CWC27: variants seen among roughly 807,000 people sequenced by gnomAD.
The protein encoded by CWC27 is CWC27 spliceosome associated cyclophilin.
CWC27 carries 47 observed loss-of-function variants against 63.6 expected under a neutral mutation model. That is an observed-to-expected ratio of 0.74 (90% confidence interval 0.58 to 0.94). The LOEUF (loss-of-function observed/expected upper bound fraction) is 0.94, where lower values mean the gene tolerates loss of function less well. CWC27 is among the 40% of genes least tolerant of loss of function. The pLI is 0.00. For synonymous variants in CWC27, 175 were observed against 179.8 expected, an observed-to-expected ratio of 0.97 and a Z score of 0.22; for missense variants, 495 against 554.3, an observed-to-expected ratio of 0.89 and a Z score of 1.07.
intron 13 of CWC27, among the ~76,000 whole-genome samples, chr5:65,016,774 A>G (rs1428826065): frequency 3.3e-5 from 5 of 152,180 alleles, no homozygotes; most frequent in Non-Finnish European, 5.9e-5. Flanking sequence ...TTGCCACACA[A>G]GTAAATTTCA....
intron 3 of CWC27, 26 bp from the exon 4 acceptor site, chr5:64,783,810 A>G (rs932935257): frequency 6.5e-6 from 10 of 1,528,678 alleles, no homozygotes; most frequent in Non-Finnish European, 8.8e-6. Context: ...AACTGAGGAC[A>G]TTCACTAAAT....
At chr5:64,971,983 C>T (rs1267630995) in intron 12 of CWC27, among the ~76,000 whole-genome samples, 171 bp downstream of exon 12, 2 of 152,280 alleles carry the variant, frequency 1.3e-5, no homozygotes, top group East Asian at 3.9e-4. Context: ...AAGATTCAAA[C>T]TCTGGAGTTC....
At chr5:64,937,921 C>CTTTTTTTTTTTTTTTTTTTTTTTTTTT (rs1211082437) in intron 11 of CWC27, among the ~76,000 whole-genome samples, 4 of 99,318 alleles carry the variant, frequency 4.0e-5, no homozygotes, top group African/African-American at 1.8e-4. Flanking sequence ...GCAATCTCTG[C>CTTTTTTTTTTTTTTTTTTTTTTTTTTT]TTTTTTTTTT....
At chr5:64,893,065 A>G (rs1390535173) in intron 11 of CWC27, among the ~76,000 whole-genome samples, 3 of 152,212 alleles carry the variant, frequency 2.0e-5, no homozygotes, top group African/African-American at 4.8e-5. Flanking sequence ...GTGTGTGCGC[A>G]CATATGCACG....
chr5:64,876,253 T>G (rs1746791803), intron 10 of CWC27, among the ~76,000 whole-genome samples: 1 of 152,146 alleles, frequency 6.6e-6, no homozygotes, highest in Admixed American at 6.5e-5. Context: ...ATCTATAATT[T>G]TAATACATAT....
At chr5:64,871,300 A>G (rs1447325673) in intron 10 of CWC27, among the ~76,000 whole-genome samples, 1 of 152,142 alleles carries the variant, frequency 6.6e-6, no homozygotes, top group East Asian at 1.9e-4. Flanking sequence ...AAAATACAAT[A>G]TGATAAGCTT....
chr5:64,827,774 T>A (rs1298209701), intron 10 of CWC27, among the ~76,000 whole-genome samples: 1 of 152,198 alleles, frequency 6.6e-6, no homozygotes, highest in Non-Finnish European at 1.5e-5. Flanking sequence ...ATGGTTTTGC[T>A]TTCCATAGTT....
intron 13 of CWC27, among the ~76,000 whole-genome samples, chr5:64,995,708 A>G (rs1302096195): frequency 6.6e-6 from 1 of 152,076 alleles, no homozygotes; most frequent in Non-Finnish European, 1.5e-5. Flanking sequence ...TTCTTTGTCT[A>G]TTCTTGTGCC....
chr5:64,891,165 T>A (rs1747226376), intron 11 of CWC27, among the ~76,000 whole-genome samples: 1 of 152,220 alleles, frequency 6.6e-6, no homozygotes, highest in Non-Finnish European at 1.5e-5. Flanking sequence ...GTTTAAATTG[T>A]ATTTATTATT....
intron 11 of CWC27, among the ~76,000 whole-genome samples, chr5:64,969,873 G>T (rs189117166): frequency 6.6e-6 from 1 of 152,080 alleles, no homozygotes; most frequent in South Asian, 2.1e-4. Context: ...AGGAGGAGCC[G>T]GAATTAAGCA....
chr5:64,808,847 G>A (rs1306423620), intron 10 of CWC27, among the ~76,000 whole-genome samples: 4 of 152,246 alleles, frequency 2.6e-5, no homozygotes, highest in East Asian at 3.9e-4. Context: ...ATACTAATTC[G>A]TAGGCCCCTC....
intron 11 of CWC27, among the ~76,000 whole-genome samples, chr5:64,889,793 A>G (rs1375757021): frequency 6.6e-6 from 1 of 152,178 alleles, no homozygotes; most frequent in Non-Finnish European, 1.5e-5. Context: ...GTACTGCAGG[A>G]CAATCCTGTT....
chr5:64,832,363 C>G (rs986552219), intron 10 of CWC27, among the ~76,000 whole-genome samples: 1 of 151,416 alleles, frequency 6.6e-6, no homozygotes, highest in Non-Finnish European at 1.5e-5. Context: ...TCTAAAATTC[C>G]AACTTTTGCT....
intron 12 of CWC27, chr5:64,972,557 G>T: frequency 2.7e-6 from 1 of 371,048 alleles, no homozygotes; most frequent in Non-Finnish European, 5.2e-6. Flanking sequence ...TATATATATG[G>T]ACACACCATT....
chr5:64,882,011 C>T (rs900264553), intron 10 of CWC27, among the ~76,000 whole-genome samples: 4 of 152,116 alleles, frequency 2.6e-5, no homozygotes, highest in East Asian at 1.9e-4. Context: ...CCCTGTGCAG[C>T]GGCTACCCAG....
At chr5:64,842,142 G>A (rs917793836) in intron 10 of CWC27, among the ~76,000 whole-genome samples, 11 of 152,120 alleles carry the variant, frequency 7.2e-5, no homozygotes, top group African/African-American at 2.7e-4. Context: ...GATTTGAGTA[G>A]TTGTGATTGA....
chr5:64,949,592 C>T (rs767428643), intron 11 of CWC27, among the ~76,000 whole-genome samples: 2 of 152,074 alleles, frequency 1.3e-5, no homozygotes, highest in African/African-American at 4.8e-5. Flanking sequence ...TTTCCTGTAG[C>T]GTAAAGTCCT....
intron 11 of CWC27, among the ~76,000 whole-genome samples, chr5:64,886,783 A>G (rs951143373): frequency 6.6e-6 from 1 of 152,148 alleles, no homozygotes. Flanking sequence ...TTATTTAAAA[A>G]TTAACTGAAG....
chr5:64,937,409 G>A (rs1393909469), intron 11 of CWC27, among the ~76,000 whole-genome samples: 1 of 152,294 alleles, frequency 6.6e-6, no homozygotes, highest in South Asian at 2.1e-4. Flanking sequence ...GTGTGGTTTT[G>A]AGTGACTTTC....
Sources: gnomAD v4.1 joint callset for allele counts (sites outside exome capture counted in the v4.1 genomes callset) on GRCh38, gnomAD v4.1.1 for gene constraint, MANE v1.5 for transcripts, NCBI Gene and HGNC (gene_info 2026-07-23, HGNC 2026-07-21) for gene names.